The following SLC41A2 variants were observed in gnomAD, a reference collection of about 807,000 sequenced individuals.
The protein encoded by SLC41A2 is SLC41A1-like 1.
Under a neutral mutation model 58.3 loss-of-function variants are expected in SLC41A2, and 32 were observed. The ratio of observed to expected loss-of-function variants is 0.55; its 90% CI spans 0.41 to 0.74. SLC41A2 has a LOEUF of 0.74. Ranked by LOEUF, SLC41A2 falls within the 30% of genes least tolerant of loss-of-function variation. The pLI is 0.00. For missense variants in SLC41A2, 514 were observed against 680.6 expected (o/e 0.76, Z 2.72); for synonymous variants, 190 against 235.0 (o/e 0.81, Z 1.75).
chr12:104,932,624 CA>C (rs544329617), intron 1 of SLC41A2, among the ~76,000 whole-genome samples: 1,421 of 46,054 alleles, frequency 0.031, 12 homozygotes, highest in East Asian at 0.18. Context: ...GACTTTGTCT[CA>C]AAAAAAAAAA....
chr12:104,876,389 T>A (rs1316968004), intron 6 of SLC41A2, among the ~76,000 whole-genome samples: 3 of 152,186 alleles, frequency 2.0e-5, no homozygotes, highest in Non-Finnish European at 4.4e-5. Context: ...ATGCAGGTGT[T>A]TATCGCTATA....
At chr12:104,934,340 AC>A (rs1309684086) in intron 1 of SLC41A2, among the ~76,000 whole-genome samples, 2 of 151,928 alleles carry the variant, frequency 1.3e-5, no homozygotes, top group Non-Finnish European at 2.9e-5. Flanking sequence ...TGTCTTTAAA[AC>A]TCCTAGGATT....
chr12:104,863,995 C>T (rs891695386), intron 7 of SLC41A2, among the ~76,000 whole-genome samples: 1 of 151,500 alleles, frequency 6.6e-6, no homozygotes, highest in African/African-American at 2.4e-5. Flanking sequence ...TCCTTAAGTC[C>T]CCTGTCCTCC....
chr12:104,837,753 G>A (rs2042262549), intron 10 of SLC41A2, among the ~76,000 whole-genome samples: 1 of 152,232 alleles, frequency 6.6e-6, no homozygotes, highest in Admixed American at 6.5e-5. Context: ...TGAGGCCCGT[G>A]ACAATAAGCA....
intron 8 of SLC41A2, among the ~76,000 whole-genome samples, chr12:104,859,233 G>C (rs1324948977): frequency 6.6e-6 from 1 of 152,074 alleles, no homozygotes. Context: ...CTAGGCAGAA[G>C]AATTCAAATT....
chr12:104,808,993 A>T (rs891394915), intron 10 of SLC41A2, among the ~76,000 whole-genome samples: 1 of 152,236 alleles, frequency 6.6e-6, no homozygotes, highest in African/African-American at 2.4e-5. Context: ...CAAGTATAGC[A>T]CAGTGGTTAA....
At chr12:104,918,920 T>G (rs1009520344) in intron 2 of SLC41A2, among the ~76,000 whole-genome samples, 24 of 152,152 alleles carry the variant, frequency 1.6e-4, no homozygotes, top group African/African-American at 5.8e-4. Context: ...ACAACCAAGA[T>G]ATTGGCATTG....
chr12:104,864,133 G>A (rs1412722590), intron 7 of SLC41A2, among the ~76,000 whole-genome samples: 1 of 152,000 alleles, frequency 6.6e-6, no homozygotes, highest in East Asian at 1.9e-4. Context: ...GGATTCTGTT[G>A]CCTGAATCCT....
rs1051163818 is a variant in SLC41A2 at position 104,803,064 on chromosome 12, T to C, written c.*2088A>G. 2 of 152,178 alleles carry C rather than the reference T, an allele frequency of 1.3e-5. No homozygotes were observed. The highest frequency in any genetic ancestry group is 2.4e-5 in the African/African-American group (1 of 41,456). The allele number at this position is 152,178 out of a possible 1,614,324, so 9.4% of individuals were successfully genotyped here. ...GTACTACTGTGAGTATTAAATGATATTGTGTGTTTGTGCACTGGAATGTGT... is the reference window on the plus strand; with the variant it reads ...GTACTACTGTGAGTATTAAATGATACTGTGTGTTTGTGCACTGGAATGTGT... On this transcript the variant is annotated 3_prime_UTR_variant, in exon 11 of 11. Coordinates refer to ENST00000258538, the MANE Select transcript of SLC41A2 (RefSeq NM_001352171.3).
At chr12:104,932,392 G>A (rs534981505) in intron 1 of SLC41A2, among the ~76,000 whole-genome samples, 2 of 151,940 alleles carry the variant, frequency 1.3e-5, no homozygotes, top group East Asian at 1.9e-4. Context: ...TTGGGAGGCC[G>A]AGTCAGGAGA....
At chr12:104,827,564 T>G (rs1056582045) in intron 10 of SLC41A2, among the ~76,000 whole-genome samples, 2 of 152,256 alleles carry the variant, frequency 1.3e-5, no homozygotes, top group Non-Finnish European at 2.9e-5. Flanking sequence ...ATTTCACTTA[T>G]CTCTGTAATC....
In SLC41A2 at chr12:104,928,096, A is replaced by C. The variant is rs576107984; in HGVS notation, c.432T>G (p.Ile144Met). ...DISSDGDEDA[I>M]VEVTPKLPKE... is the part of the protein sequence containing the mutation. Reference sequence around the variant, plus strand: ...TTGGTAATTTTGGGGTCACTTCTACAATAGCATCTTCATCACCATCACTAG... The same window carrying C: ...TTGGTAATTTTGGGGTCACTTCTACCATAGCATCTTCATCACCATCACTAG... Residue 144 changes from isoleucine to methionine, a missense_variant, in exon 2 of 11, where the codon ATT (isoleucine) becomes ATG (methionine). Physicochemically the swap from Ile to Met is conservative, Grantham distance 10 (BLOSUM62 1). Transcript: ENST00000258538. 1.2e-6 allele frequency: 2 copies of C among 1,614,196 alleles called. No individual in the cohort carries two copies. Among genetic ancestry groups the C allele is most frequent in the South Asian group, 2.2e-5 (2 of 91,080 alleles).
At chr12:104,933,198 C>T (rs937924160) in intron 1 of SLC41A2, among the ~76,000 whole-genome samples, 1 of 152,120 alleles carries the variant, frequency 6.6e-6, no homozygotes, top group East Asian at 1.9e-4. Context: ...AACAAATGAT[C>T]CCATCAGAAA....
chr12:104,920,957 T>C (rs996779546), intron 2 of SLC41A2, among the ~76,000 whole-genome samples: 1 of 149,780 alleles, frequency 6.7e-6, no homozygotes, highest in Admixed American at 6.6e-5. Context: ...ATAATAATAA[T>C]AAAAAATTAG....
Position 104,806,333 on chromosome 12 carries a change from C to T in SLC41A2, c.1537-996G>A, listed in dbSNP as rs11503464. Among the ~76,000 whole-genome samples the T allele has an allele frequency of 3.9e-3, 592 of 151,696 alleles. 5 individuals carry two copies. Among genetic ancestry groups the T allele is most frequent in the African/African-American group, 0.013 (549 of 41,304 alleles). On this transcript the variant is annotated intron_variant, in intron 10 of 10. Coordinates refer to ENST00000258538, the MANE Select transcript of SLC41A2 (RefSeq NM_001352171.3). ...TGCAGCGTTTGGTTTTTTGTCCTTG[C>T]GATAGTTTGCTGAGAATGATGGTTT... is the stretch of plus-strand genomic sequence containing the variant.
intron 4 of SLC41A2, among the ~76,000 whole-genome samples, 165 bp from the exon 5 acceptor site, chr12:104,889,342 C>G (rs2044830625): frequency 6.6e-6 from 1 of 152,110 alleles, no homozygotes; most frequent in Non-Finnish European, 1.5e-5. Context: ...TTAATATTCC[C>G]TAAGATGGTG....
At chr12:104,940,110 T>G (rs1156647853) in intron 1 of SLC41A2, among the ~76,000 whole-genome samples, 1 of 151,646 alleles carries the variant, frequency 6.6e-6, no homozygotes, top group Non-Finnish European at 1.5e-5. Context: ...GCCTCCCAGG[T>G]TCAAGCGATT....
At chr12:104,812,865 C>G (rs1343074799) in intron 10 of SLC41A2, among the ~76,000 whole-genome samples, 4 of 146,834 alleles carry the variant, frequency 2.7e-5, no homozygotes, top group Non-Finnish European at 1.5e-5. Flanking sequence ...GGAGCACTTG[C>G]AAAAAAAAAA....
intron 4 of SLC41A2, 64 bp downstream of exon 4, chr12:104,895,210 T>C (rs2045220885): frequency 1.7e-6 from 2 of 1,167,236 alleles, no homozygotes; most frequent in Non-Finnish European, 2.6e-6. Context: ...TTTACACCAA[T>C]CTTATAGATT....
Sources: gnomAD v4.1 joint callset for allele counts (sites outside exome capture counted in the v4.1 genomes callset) on GRCh38, gnomAD v4.1.1 for gene constraint, MANE v1.5 for transcripts, NCBI Gene and HGNC (gene_info 2026-07-23, HGNC 2026-07-21) for gene names.